FBN1: variants seen among roughly 807,000 people sequenced by gnomAD.
The protein encoded by FBN1 is fibrillin-1.
FBN1 carries 29 observed loss-of-function variants against 365.1 expected under a neutral mutation model. The observed-to-expected ratio is 0.08, with a 90% confidence interval of 0.06 to 0.11. The LOEUF is 0.11. Among genes scored for constraint, FBN1 ranks in the 10% least tolerant of loss-of-function variants. The probability of loss-of-function intolerance (pLI) is 1.00; values close to 1 mark genes in which losing one functional copy is unlikely to be tolerated. For synonymous variants in FBN1, 1,210 were observed against 1,270.5 expected, an observed-to-expected ratio of 0.95 and a Z score of 1.01; for missense variants, 2,476 against 3,703.2, an observed-to-expected ratio of 0.67 and a Z score of 8.60.
intron 6 of FBN1, among the ~76,000 whole-genome samples, chr15:48,553,597 G>A (rs1300077427): frequency 6.6e-6 from 1 of 152,182 alleles, no homozygotes; most frequent in Non-Finnish European, 1.5e-5. Flanking sequence ...GGGAACGGGA[G>A]AATCAAGGGT....
chr15:48,445,241 T>G (rs1048769072), intron 48 of FBN1, 135 bp downstream of exon 48: 1 of 701,552 alleles, frequency 1.4e-6, no homozygotes, highest in Non-Finnish European at 2.5e-6. Flanking sequence ...CAAGCCTTTA[T>G]AGGGAGGATT....
At chr15:48,527,611 A>C (rs912590982) in intron 8 of FBN1, among the ~76,000 whole-genome samples, 3 of 152,234 alleles carry the variant, frequency 2.0e-5, no homozygotes, top group African/African-American at 7.2e-5. Flanking sequence ...ATAAGACAAA[A>C]TAGAGTTCTA....
chr15:48,560,839 A>G (rs2044217473), intron 6 of FBN1, among the ~76,000 whole-genome samples: 1 of 152,096 alleles, frequency 6.6e-6, no homozygotes, highest in African/African-American at 2.4e-5. Flanking sequence ...CAGTGGAAAG[A>G]GCCCAGTACT....
chr15:48,484,661 G>A (rs541642997), intron 30 of FBN1, among the ~76,000 whole-genome samples: 9 of 152,292 alleles, frequency 5.9e-5, no homozygotes, highest in East Asian at 5.8e-4. Context: ...GTAAGCCACC[G>A]TGCCTGGCCT....
intron 54 of FBN1, among the ~76,000 whole-genome samples, chr15:48,434,107 CG>C (rs2043044743): frequency 6.6e-6 from 1 of 152,170 alleles, no homozygotes; most frequent in African/African-American, 2.4e-5. Flanking sequence ...ACCAGGCTTA[CG>C]GATGGACACT....
intron 6 of FBN1, among the ~76,000 whole-genome samples, chr15:48,558,585 A>C (rs553406682): frequency 6.6e-6 from 1 of 152,352 alleles, no homozygotes; most frequent in South Asian, 2.1e-4. Flanking sequence ...AGAATTATGA[A>C]AAAGCAAAGA....
At chr15:48,490,153 G>A (rs908899777) in intron 24 of FBN1, 75 bp from the exon 25 acceptor site, 1 of 1,198,350 alleles carries the variant, frequency 8.3e-7, no homozygotes, top group African/African-American at 1.5e-5. Flanking sequence ...CACTCTGTTA[G>A]GTAAAATACT....
At position 48,409,246 on chromosome 15, in the gene FBN1, G is replaced by GT. The variant is rs1312417542; in HGVS notation, c.*1743dup. 2 of 152,214 alleles carry GT rather than the reference G, an allele frequency of 1.3e-5. No individual in the cohort carries two copies. The highest frequency in any genetic ancestry group is 2.9e-5 in the Non-Finnish European group (2 of 68,040). The allele number at this position is 152,214 out of a possible 1,614,324, so 9.4% of individuals were successfully genotyped here. On this transcript the variant is annotated 3_prime_UTR_variant, in exon 66 of 66. Coordinates refer to ENST00000316623, the MANE Select transcript of FBN1 (RefSeq NM_000138.5). Reference sequence around the variant, plus strand: ...CAATGCAAGGAAACCCATTCTTTCAGTGAGTAGCTCTATAATTGGGACCGT... The same window carrying GT: ...CAATGCAAGGAAACCCATTCTTTCAGTTGAGTAGCTCTATAATTGGGACCGT...
intron 28 of FBN1, 51 bp downstream of exon 28, chr15:48,487,261 T>G (rs2043516293): frequency 1.2e-6 from 2 of 1,614,166 alleles, no homozygotes; most frequent in Non-Finnish European, 1.7e-6. Flanking sequence ...GGCAATGATG[T>G]CATTCAAACA....
intron 13 of FBN1, among the ~76,000 whole-genome samples, chr15:48,512,579 G>A (rs1485004439): frequency 6.6e-6 from 1 of 152,064 alleles, no homozygotes; most frequent in Non-Finnish European, 1.5e-5. Context: ...TGCAGTATTT[G>A]GTTTTCTGTT....
intron 56 of FBN1, among the ~76,000 whole-genome samples, chr15:48,430,227 G>A (rs534494508): frequency 6.6e-6 from 1 of 152,266 alleles, no homozygotes; most frequent in Non-Finnish European, 1.5e-5. Flanking sequence ...TCAGTGCCTG[G>A]ATGCTACTCT....
At chr15:48,617,637 C>A (rs376363900) in intron 2 of FBN1, among the ~76,000 whole-genome samples, 1 of 152,132 alleles carries the variant, frequency 6.6e-6, no homozygotes, top group African/African-American at 2.4e-5. Flanking sequence ...TGTAAGAACC[C>A]AACTCCAAAC....
At chr15:48,645,269 C>G (rs1249657850) in intron 1 of FBN1, among the ~76,000 whole-genome samples, 1 of 152,194 alleles carries the variant, frequency 6.6e-6, no homozygotes, top group African/African-American at 2.4e-5. Flanking sequence ...GCGCGATGCG[C>G]GCTCTGAACG....
At chr15:48,528,825 G>T (rs2043940694) in intron 8 of FBN1, among the ~76,000 whole-genome samples, 1 of 152,044 alleles carries the variant, frequency 6.6e-6, no homozygotes, top group Non-Finnish European at 1.5e-5. Flanking sequence ...GGTGTCTAGT[G>T]CCTTTCCCCT....
intron 31 of FBN1, among the ~76,000 whole-genome samples, chr15:48,482,001 C>A (rs1317842935): frequency 6.6e-6 from 1 of 152,168 alleles, no homozygotes; most frequent in African/African-American, 2.4e-5. Context: ...AAGCAGCAGG[C>A]CAGTTAATCA....
intron 38 of FBN1, among the ~76,000 whole-genome samples, chr15:48,466,202 T>G (rs2043320495): frequency 6.6e-6 from 1 of 152,220 alleles, no homozygotes; most frequent in African/African-American, 2.4e-5. Context: ...TCATCTTCAT[T>G]TTTATGTTCT....
chr15:48,519,823 A>G (rs755251), intron 10 of FBN1, among the ~76,000 whole-genome samples: 52,456 of 152,130 alleles, frequency 0.34, 10,598 homozygotes, highest in African/African-American at 0.57. Flanking sequence ...GACTCTAAAT[A>G]CTGTGCTAAG....
rs2043544480 is a variant in FBN1, at chr15:48,490,021, A to G, written c.2912T>C (p.Ile971Thr). Residue 971 changes from isoleucine to threonine, a missense_variant, in exon 25 of 66, where the codon ATT (isoleucine) becomes ACT (threonine). This residue lies in a region of FBN1 where 1,780 missense variants were observed against 2,840.8 expected (regional missense o/e 0.63). Transcript: ENST00000316623. ...GGCGTCCATGCGGTGGCGGCCAGCAATAGGCAGGGTGCACTCCTCGTCCTC... is the reference window on the plus strand; with the variant it reads ...GGCGTCCATGCGGTGGCGGCCAGCAGTAGGCAGGGTGCACTCCTCGTCCTC... ...RYEDEECTLP[I>T]AGRHRMDACC... 1 of 1,614,116 alleles carries G rather than the reference A, an allele frequency of 6.2e-7. No individual in the cohort carries two copies. The highest frequency in any genetic ancestry group is 8.5e-7 in the Non-Finnish European group (1 of 1,180,026).
chr15:48,593,490 A>C (rs539757390), intron 6 of FBN1, among the ~76,000 whole-genome samples: 2 of 152,320 alleles, frequency 1.3e-5, no homozygotes, highest in East Asian at 3.9e-4. Context: ...CATTCTTCTG[A>C]AAGATGGGAC....
Sources: allele counts gnomAD v4.1 joint callset (sites outside exome capture counted in the v4.1 genomes callset), GRCh38; gene constraint gnomAD v4.1.1; regional missense constraint gnomAD v4.1.1; transcripts MANE v1.5; gene names NCBI Gene and HGNC (gene_info 2026-07-23, HGNC 2026-07-21).